Variants in LRRTM4 observed in about 807,000 individuals in gnomAD.
The protein encoded by LRRTM4 is leucine rich repeat transmembrane neuronal 4, also known as leucine-rich repeat transmembrane neuronal protein 4.
In LRRTM4, 25 loss-of-function variants were observed where a neutral mutation model predicts 47.6. That is an observed-to-expected ratio of 0.53 (90% CI 0.38 to 0.73). LRRTM4 has a LOEUF of 0.73. Ranked by LOEUF, LRRTM4 falls within the 30% of genes least tolerant of loss-of-function variation. The pLI is 0.00. For missense variants in LRRTM4, 638 were observed against 713.4 expected (o/e 0.89, Z 1.20); for synonymous variants, 311 against 269.5 (o/e 1.15, Z -1.51).
chr2:77,453,348 A>T (rs1028509662), intron 3 of LRRTM4, among the ~76,000 whole-genome samples: 1 of 151,464 alleles, frequency 6.6e-6, no homozygotes, highest in African/African-American at 2.4e-5. Flanking sequence ...CGCCTGGCTA[A>T]TTTTTTGTAT....
intron 3 of LRRTM4, among the ~76,000 whole-genome samples, chr2:77,319,681 T>C (rs1677730385): frequency 6.6e-6 from 1 of 152,192 alleles, no homozygotes; most frequent in African/African-American, 2.4e-5. Flanking sequence ...ATTTCTCAAA[T>C]AGGAGTGTAT....
intron 3 of LRRTM4, among the ~76,000 whole-genome samples, chr2:77,156,811 A>T (rs2103797673): frequency 6.6e-6 from 1 of 151,954 alleles, no homozygotes; most frequent in Admixed American, 6.6e-5. Context: ...AGCCCACGCA[A>T]TTCTGCCACC....
At chr2:77,495,397 C>T (rs934212980) in intron 3 of LRRTM4, among the ~76,000 whole-genome samples, 1 of 146,636 alleles carries the variant, frequency 6.8e-6, no homozygotes, top group East Asian at 1.9e-4. Context: ...GAAGTTTTAA[C>T]TTTAAGTCCA....
chr2:76,976,067 T>A (rs74718857), intron 3 of LRRTM4, among the ~76,000 whole-genome samples: 38 of 151,728 alleles, frequency 2.5e-4, no homozygotes, highest in African/African-American at 8.9e-4. Context: ...TATGGTCCTA[T>A]TGAAAACTGG....
At chr2:77,128,616 G>A (rs1207473704) in intron 3 of LRRTM4, among the ~76,000 whole-genome samples, 1 of 151,956 alleles carries the variant, frequency 6.6e-6, no homozygotes, top group Non-Finnish European at 1.5e-5. Flanking sequence ...AGTTTTCATT[G>A]TGCATTATAA....
At chr2:76,925,698 T>C (rs1467602322) in intron 3 of LRRTM4, among the ~76,000 whole-genome samples, 1 of 152,140 alleles carries the variant, frequency 6.6e-6, no homozygotes, top group Admixed American at 6.6e-5. Flanking sequence ...TTTTCTTAAA[T>C]GTCTCACTAA....
chr2:76,817,875 G>C (rs1670946024), intron 3 of LRRTM4, among the ~76,000 whole-genome samples: 1 of 151,906 alleles, frequency 6.6e-6, no homozygotes, highest in Non-Finnish European at 1.5e-5. Flanking sequence ...CCTGTGAAAA[G>C]ATTGGTTTTC....
intron 3 of LRRTM4, among the ~76,000 whole-genome samples, chr2:77,150,545 A>G (rs1672390020): frequency 6.6e-6 from 1 of 152,160 alleles, no homozygotes; most frequent in African/African-American, 2.4e-5. Flanking sequence ...TTTTTAGTGA[A>G]CTATGCCTAT....
At chr2:77,121,378 C>T (rs1276138951) in intron 3 of LRRTM4, among the ~76,000 whole-genome samples, 1 of 151,688 alleles carries the variant, frequency 6.6e-6, no homozygotes, top group African/African-American at 2.4e-5. Flanking sequence ...TACCTCTTCC[C>T]AAACAAAGGA....
intron 3 of LRRTM4, among the ~76,000 whole-genome samples, chr2:76,904,007 T>A (rs1276671077): frequency 6.6e-6 from 1 of 152,332 alleles, no homozygotes; most frequent in South Asian, 2.1e-4. Flanking sequence ...TTAGTGAAAA[T>A]GTTGAAAGCC....
intron 3 of LRRTM4, among the ~76,000 whole-genome samples, chr2:76,766,926 A>G (rs76214966): frequency 2.5e-3 from 384 of 152,326 alleles, no homozygotes; most frequent in African/African-American, 8.9e-3. Context: ...GAGAAACCCT[A>G]GGCTATAAAT....
chr2:76,915,427 C>G (rs114163138), intron 3 of LRRTM4, among the ~76,000 whole-genome samples: 1,781 of 152,236 alleles, frequency 0.012, 19 homozygotes, highest in Middle Eastern at 0.054. Context: ...TAGTAATAGG[C>G]AAAGATTGTT....
rs75642766 is a variant in LRRTM4, at chr2:77,199,917, C to T, written c.1551+318401G>A. ...AGCAACCACATATAGATACATAATA[C>T]ATTTCCATAAAAAGCTCAAAACTTT... On this transcript the variant is annotated intron_variant, in intron 3 of 3. Coordinates refer to ENST00000409884, the MANE Select transcript of LRRTM4 (RefSeq NM_001134745.3). 2.6e-3 allele frequency among the ~76,000 whole-genome samples: 395 copies of T among 152,090 alleles called. 1 individual carries two copies. Among genetic ancestry groups the T allele is most frequent in the Non-Finnish European group, 5.0e-3 (339 of 67,948 alleles).
chr2:77,225,845 T>C (rs1674788795), intron 3 of LRRTM4, among the ~76,000 whole-genome samples: 1 of 152,014 alleles, frequency 6.6e-6, no homozygotes. Context: ...CACATTCAAA[T>C]ATAATATTTT....
intron 3 of LRRTM4, among the ~76,000 whole-genome samples, chr2:76,908,953 A>C (rs1673949921): frequency 6.6e-6 from 1 of 152,198 alleles, no homozygotes; most frequent in Non-Finnish European, 1.5e-5. Flanking sequence ...CATCCCCATC[A>C]AGCTACCAAT....
chr2:77,317,074 T>C (rs1198641012), intron 3 of LRRTM4, among the ~76,000 whole-genome samples: 1 of 152,188 alleles, frequency 6.6e-6, no homozygotes, highest in Admixed American at 6.5e-5. Context: ...GAATATACTA[T>C]ATAAACATTT....
At chr2:76,819,214 T>C (rs1447864114) in intron 3 of LRRTM4, among the ~76,000 whole-genome samples, 1 of 151,278 alleles carries the variant, frequency 6.6e-6, no homozygotes, top group Non-Finnish European at 1.5e-5. Flanking sequence ...CATGTTATTA[T>C]GTGCCTTATA....
At chr2:76,935,866 T>A (rs956911087) in intron 3 of LRRTM4, among the ~76,000 whole-genome samples, 1 of 152,210 alleles carries the variant, frequency 6.6e-6, no homozygotes, top group African/African-American at 2.4e-5. Context: ...TGGCCAGAAC[T>A]TCCAATATTA....
intron 3 of LRRTM4, among the ~76,000 whole-genome samples, chr2:77,498,022 T>C (rs1284146262): frequency 1.3e-5 from 2 of 151,904 alleles, no homozygotes; most frequent in Non-Finnish European, 2.9e-5. Flanking sequence ...CTGCCTGTGA[T>C]CCAAGAACTA....
Sources: allele counts gnomAD v4.1 joint callset (sites outside exome capture counted in the v4.1 genomes callset), GRCh38; gene constraint gnomAD v4.1.1; transcripts MANE v1.5; gene names NCBI Gene and HGNC (gene_info 2026-07-23, HGNC 2026-07-21).